Variants in NOS1 observed in about 807,000 individuals in gnomAD.
NOS1 encodes nitric oxide synthase 1, also known as NOS type I.
A neutral mutation model predicts 164.5 loss-of-function variants in NOS1; 51 were observed. The observed-to-expected ratio is 0.31, with a 90% confidence interval of 0.25 to 0.39. The LOEUF is 0.39. Among genes scored for constraint, NOS1 ranks in the 10% least tolerant of loss-of-function variants. The pLI is 1.00. For missense variants in NOS1, 1,362 were observed against 1,885.6 expected (o/e 0.72, Z 5.14); for synonymous variants, 719 against 745.8 (o/e 0.96, Z 0.59).
In NOS1 at chr12:117,218,026, C is replaced by A; in HGVS notation, c.4289+20G>T. ...GAGAGGGCTCTTCCTGCCCCTCACC[C>A]AGGGATGGAGCCAGCTTACTCATCG... is the stretch of plus-strand genomic sequence containing the variant. On this transcript the variant is annotated intron_variant, in intron 28 of 28. Coordinates refer to ENST00000317775, the MANE Select transcript of NOS1 (RefSeq NM_000620.5). 6.4e-7 allele frequency: 1 copy of A among 1,559,646 alleles called. No homozygotes were observed. The highest frequency in any genetic ancestry group is 8.8e-7 in the Non-Finnish European group (1 of 1,130,592).
At chr12:117,223,920 C>T (rs1868416622) in intron 25 of NOS1, among the ~76,000 whole-genome samples, 1 of 152,216 alleles carries the variant, frequency 6.6e-6, no homozygotes, top group African/African-American at 2.4e-5. Flanking sequence ...TTCCAAAGTG[C>T]TGGGATTACA....
chr12:117,341,024 C>CAAT (rs1345171624), intron 1 of NOS1, among the ~76,000 whole-genome samples: 2 of 151,930 alleles, frequency 1.3e-5, no homozygotes. Context: ...TGTGCCCAGC[C>CAAT]AATAGTTAAC....
chr12:117,256,161 G>A, intron 16 of NOS1: 1 of 467,742 alleles, frequency 2.1e-6, no homozygotes, highest in Non-Finnish European at 3.8e-6. Context: ...CTAAGATGCT[G>A]GAGTTGGGCG....
At chr12:117,325,128 C>T (rs1030875666) in intron 2 of NOS1, among the ~76,000 whole-genome samples, 11 of 152,166 alleles carry the variant, frequency 7.2e-5, no homozygotes, top group Non-Finnish European at 1.5e-5. Flanking sequence ...TTCACTGTCA[C>T]CCAAGTCAGT....
chr12:117,239,388 A>G (rs992483733), intron 20 of NOS1, among the ~76,000 whole-genome samples: 18 of 152,140 alleles, frequency 1.2e-4, no homozygotes, highest in African/African-American at 3.4e-4. Flanking sequence ...TGACTTCTAG[A>G]ACTTAGTGTC....
chr12:117,261,596 A>C (rs943573729), intron 13 of NOS1, among the ~76,000 whole-genome samples: 1 of 152,160 alleles, frequency 6.6e-6, no homozygotes, highest in Non-Finnish European at 1.5e-5. Context: ...TTTATTCAGC[A>C]ATGCATGTCA....
chr12:117,317,234 A>G (rs541291524), intron 2 of NOS1, among the ~76,000 whole-genome samples: 11 of 152,008 alleles, frequency 7.2e-5, no homozygotes, highest in African/African-American at 1.2e-4. Context: ...AAGGAGATGG[A>G]CAGGGCCTCT....
rs150948989 is a variant in NOS1 at position 117,243,713 on chromosome 12, C to T, written c.2824-278G>A. Among the ~76,000 whole-genome samples the T allele has an allele frequency of 6.5e-4, 99 of 152,078 alleles. No homozygotes were observed. Among genetic ancestry groups the T allele is most frequent in the Middle Eastern group, 6.8e-3 (2 of 294 alleles). ...TCTTCCATTCATCTACCCTTCCACC[C>T]TCCCATCCATGTATCTATCTTTCCA... On this transcript the variant is annotated intron_variant, in intron 18 of 28. Coordinates refer to ENST00000317775, the MANE Select transcript of NOS1 (RefSeq NM_000620.5). This position sits in a 1 kb window ranked among gnomAD's most constrained non-coding sequence, Gnocchi z 4.3.
intron 3 of NOS1, among the ~76,000 whole-genome samples, chr12:117,292,811 A>G (rs1214464792): frequency 6.6e-6 from 1 of 152,222 alleles, no homozygotes; most frequent in African/African-American, 2.4e-5. Context: ...GACCAAGACT[A>G]TAGTGACAAG....
intron 5 of NOS1, 94 bp from the exon 6 acceptor site, chr12:117,286,360 C>A: frequency 1.5e-6 from 2 of 1,337,188 alleles, no homozygotes; most frequent in Non-Finnish European, 1.0e-6. Context: ...CTGGAAGCTA[C>A]AAAAAATTCC....
Position 117,214,834 on chromosome 12 carries a change from C to T in NOS1, c.*475G>A. 1 of 107,070 alleles carries T rather than the reference C, an allele frequency of 9.3e-6. No homozygotes were observed. Among genetic ancestry groups the T allele is most frequent in the Non-Finnish European group, 1.4e-5 (1 of 69,934 alleles). The allele number at this position is 107,070 out of a possible 1,614,324, so 6.6% of individuals were successfully genotyped here. A position where few individuals can be genotyped will look rare whatever the true frequency, so the allele number is the denominator to read the frequency against. On this transcript the variant is annotated 3_prime_UTR_variant, in exon 29 of 29. Coordinates refer to ENST00000317775, the MANE Select transcript of NOS1 (RefSeq NM_000620.5). ...GAGGACGGACAGAGACCTGGCCCAT[C>T]ACACACACACACACACACACACACA...
At chr12:117,267,878 C>G (rs966988092) in intron 11 of NOS1, among the ~76,000 whole-genome samples, 165 bp downstream of exon 11, 7 of 152,196 alleles carry the variant, frequency 4.6e-5, no homozygotes, top group Non-Finnish European at 7.3e-5. Context: ...AAGATCCACA[C>G]TGGAGAGGAG....
chr12:117,339,323 G>GGTCACATCTGATGCCCA (rs1875986145), intron 1 of NOS1, among the ~76,000 whole-genome samples: 1 of 152,176 alleles, frequency 6.6e-6, no homozygotes, highest in Admixed American at 6.5e-5. Context: ...TATCTCAGAG[G>GGTCACATCTGATGCCCA]TAGTAACAGG....
rs1054379840 is a variant in NOS1, at chr12:117,359,374, G to A, written c.-421+2138C>T. Reference sequence around the variant, plus strand: ...TTATCTTCAGTTCTGAAAAAATAACGGGGGAAAAAATCTATGCTCCAGAGA... The same window carrying A: ...TTATCTTCAGTTCTGAAAAAATAACAGGGGAAAAAATCTATGCTCCAGAGA... On this transcript the variant is annotated intron_variant, in intron 1 of 28. Coordinates refer to ENST00000317775, the MANE Select transcript of NOS1 (RefSeq NM_000620.5). Among the ~76,000 whole-genome samples, 78 of 145,162 alleles carry A rather than the reference G, an allele frequency of 5.4e-4. 1 individual carries two copies. The Middle Eastern group carries it at 0.017, about 32-fold the overall frequency.
In NOS1 at chr12:117,304,901, T is replaced by C. The variant is rs896420157; in HGVS notation, c.852+6565A>G. 22 of 595,042 alleles carry C rather than the reference T, an allele frequency of 3.7e-5. No homozygotes were observed. In the South Asian group the frequency reaches 1.3e-3, roughly 36 times the overall value. 36.9% of individuals were successfully genotyped at this position (595,042 alleles called of 1,614,324 possible). ...TCCCAAGGGGTCAGACCTCACTATTTCCTCCAGGAACTTATAGTCTCCTGT... is the reference window on the plus strand; with the variant it reads ...TCCCAAGGGGTCAGACCTCACTATTCCCTCCAGGAACTTATAGTCTCCTGT... On this transcript the variant is annotated intron_variant, in intron 3 of 28. Coordinates refer to ENST00000317775, the MANE Select transcript of NOS1 (RefSeq NM_000620.5).
At chr12:117,328,848 G>C (rs1875391250) in intron 2 of NOS1, among the ~76,000 whole-genome samples, 1 of 152,198 alleles carries the variant, frequency 6.6e-6, no homozygotes, top group Non-Finnish European at 1.5e-5. Context: ...GTGATTGTGG[G>C]AACATCATAG....
chr12:117,229,574 A>ATCTATCTG (rs1869015507), intron 22 of NOS1, among the ~76,000 whole-genome samples: 1 of 151,294 alleles, frequency 6.6e-6, no homozygotes, highest in African/African-American at 2.4e-5. Flanking sequence ...CTATCTATCT[A>ATCTATCTG]TCTATCTATC....
intron 1 of NOS1, among the ~76,000 whole-genome samples, chr12:117,353,190 T>C (rs1010759751): frequency 1.3e-5 from 2 of 152,114 alleles, no homozygotes; most frequent in African/African-American, 4.8e-5. Flanking sequence ...TACCAATCTA[T>C]CTACCTACCT....
chr12:117,295,076 C>T (rs1398313653), intron 3 of NOS1, among the ~76,000 whole-genome samples: 3 of 152,176 alleles, frequency 2.0e-5, no homozygotes, highest in African/African-American at 7.2e-5. Flanking sequence ...TCCTTTTCTC[C>T]CTTCTTTCTC....
Sources: gnomAD v4.1 joint callset for allele counts (sites outside exome capture counted in the v4.1 genomes callset) on GRCh38, gnomAD v4.1.1 for gene constraint, Gnocchi (gnomAD v3.1) non-coding constraint, MANE v1.5 for transcripts, NCBI Gene and HGNC (gene_info 2026-07-23, HGNC 2026-07-21) for gene names.